The following ZNF516 variants were observed in gnomAD, a reference collection of about 807,000 sequenced individuals.
ZNF516 encodes the protein zinc finger protein 516.
In ZNF516, 19 loss-of-function variants were observed where a neutral mutation model predicts 79.7. That is an observed-to-expected ratio of 0.24 (90% CI 0.17 to 0.35). The LOEUF is 0.35. Ranked by LOEUF, ZNF516 falls within the 10% of genes least tolerant of loss-of-function variation. The probability of loss-of-function intolerance (pLI) is 1.00; values close to 1 mark genes in which losing one functional copy is unlikely to be tolerated. For missense variants in ZNF516, 1,678 were observed against 1,679.5 expected, an observed-to-expected ratio of 1.00 and a Z score of 0.02; for synonymous variants, 877 against 739.5, an observed-to-expected ratio of 1.19 and a Z score of -3.02.
chr18:76,415,538 C>T (rs1330734800), intron 3 of ZNF516, among the ~76,000 whole-genome samples: 3 of 152,188 alleles, frequency 2.0e-5, no homozygotes, highest in African/African-American at 4.8e-5. Context: ...CAGCGGTGGC[C>T]ATGCAGAACC....
chr18:76,383,756 C>CT (rs2074933286), intron 3 of ZNF516, among the ~76,000 whole-genome samples: 1 of 152,226 alleles, frequency 6.6e-6, no homozygotes, highest in Non-Finnish European at 1.5e-5. Context: ...CCCGATCAGG[C>CT]CTCAGGCCTT....
At position 76,370,241 on chromosome 18, in the gene ZNF516, T is replaced by C. The variant is rs1022427690; in HGVS notation, c.3432+287A>G. Among the ~76,000 whole-genome samples, 4 of 152,224 alleles carry C rather than the reference T, an allele frequency of 2.6e-5. No individual in the cohort carries two copies. The East Asian group carries it at 7.7e-4, about 29-fold the overall frequency. ...AACCATCTTGGAAAAACTGAGTTTC[T>C]AGTGTTTGCAGTCACCGCCAGTCTA... is the stretch of plus-strand genomic sequence containing the variant. On this transcript the variant is annotated intron_variant, in intron 6 of 6. Transcript: ENST00000443185.
At chr18:76,480,987 T>C (rs1278093266) in intron 1 of ZNF516, among the ~76,000 whole-genome samples, 4 of 152,198 alleles carry the variant, frequency 2.6e-5, no homozygotes, top group Non-Finnish European at 4.4e-5. Context: ...GTCTATCAAA[T>C]ACTATCTGGT....
At chr18:76,371,355 T>G in intron 5 of ZNF516, 112 bp downstream of exon 5, 1 of 1,115,742 alleles carries the variant, frequency 9.0e-7, no homozygotes, top group African/African-American at 1.5e-5. Flanking sequence ...CCCCGCCGCC[T>G]GGTAGGGGCT....
At position 76,441,315 on chromosome 18, in the gene ZNF516, G is replaced by A; in HGVS notation, c.1740C>T (p.Ser580=). The change falls in exon 3 of 7, where the codon TCC becomes TCT. Residue 580 remains serine, a synonymous_variant. Coordinates refer to ENST00000443185, the MANE Select transcript of ZNF516 (RefSeq NM_014643.4). The part of the protein sequence containing the change: ...SPGSACAAAD[S]PGSGLADEAA... ...CCTCGTCGGCCAGGCCAGAGCCCGG[G>A]GAGTCAGCAGCGGCACAGGCGGAGC... The A allele has an allele frequency of 6.2e-7, 1 of 1,611,794 alleles. No homozygotes were observed. The highest frequency in any genetic ancestry group is 8.5e-7 in the Non-Finnish European group (1 of 1,179,574).
chr18:76,381,390 C>T (rs2074890398), intron 3 of ZNF516, among the ~76,000 whole-genome samples: 1 of 152,196 alleles, frequency 6.6e-6, no homozygotes, highest in Admixed American at 6.5e-5. Context: ...CTTCACCACC[C>T]AGCCGCCATC....
intron 3 of ZNF516, among the ~76,000 whole-genome samples, chr18:76,406,291 C>G (rs578118614): frequency 1.3e-5 from 2 of 152,292 alleles, no homozygotes; most frequent in African/African-American, 4.8e-5. Context: ...CAAGGCCGGG[C>G]GCGGTGGCTC....
intron 2 of ZNF516, among the ~76,000 whole-genome samples, chr18:76,458,618 C>T (rs1202595214): frequency 7.5e-6 from 1 of 132,910 alleles, no homozygotes; most frequent in East Asian, 1.9e-4. Context: ...AACGCCAGGC[C>T]TCACCGTCGT....
chr18:76,461,749 T>C (rs1172357463), intron 2 of ZNF516, among the ~76,000 whole-genome samples: 1 of 152,212 alleles, frequency 6.6e-6, no homozygotes, highest in Non-Finnish European at 1.5e-5. Context: ...ACCGAAAATA[T>C]GCAGGGACCG....
chr18:76,418,883 T>A (rs2075470650), intron 3 of ZNF516, among the ~76,000 whole-genome samples: 1 of 152,252 alleles, frequency 6.6e-6, no homozygotes, highest in Non-Finnish European at 1.5e-5. Context: ...AGCAAAGGAA[T>A]GGAAGCCTGA....
chr18:76,494,172 C>G (rs1915381188), intron 1 of ZNF516, among the ~76,000 whole-genome samples: 1 of 152,210 alleles, frequency 6.6e-6, no homozygotes, highest in Admixed American at 6.5e-5. Context: ...ATACCCCACT[C>G]GGCTGCCATT....
At chr18:76,420,939 C>T (rs2075499004) in intron 3 of ZNF516, among the ~76,000 whole-genome samples, 1 of 152,114 alleles carries the variant, frequency 6.6e-6, no homozygotes, top group South Asian at 2.1e-4. Context: ...AATGGATTTG[C>T]TTTATAAATC....
chr18:76,473,770 C>CA (rs1269544684), intron 1 of ZNF516, among the ~76,000 whole-genome samples: 2 of 150,554 alleles, frequency 1.3e-5, no homozygotes, highest in Middle Eastern at 3.4e-3. Flanking sequence ...CACTGCACTC[C>CA]AGCCTGAGCA....
At position 76,447,764 on chromosome 18, in the gene ZNF516, T is replaced by C. The variant is rs563004135; in HGVS notation, c.-157-4553A>G. ...TTCTGGTAAGATGTATTACAAACTT[T>C]TTCCAAGGCTGGAACTGGGAACATG... is the stretch of plus-strand genomic sequence containing the variant. On this transcript the variant is annotated intron_variant, in intron 2 of 6. Transcript: ENST00000443185. Among the ~76,000 whole-genome samples the C allele has an allele frequency of 7.9e-5, 12 of 152,336 alleles. No individual in the cohort carries two copies. The South Asian group carries it at 2.5e-3, about 32-fold the overall frequency.
chr18:76,400,892 A>C (rs370944899), intron 3 of ZNF516, among the ~76,000 whole-genome samples: 1 of 152,220 alleles, frequency 6.6e-6, no homozygotes, highest in African/African-American at 2.4e-5. Context: ...GAAATATCTC[A>C]GGCAGGCTTC....
intron 6 of ZNF516, among the ~76,000 whole-genome samples, chr18:76,367,590 G>A (rs747864612): frequency 6.6e-5 from 10 of 152,206 alleles, no homozygotes; most frequent in Admixed American, 2.6e-4. Context: ...GGCCTTCCAC[G>A]TGCTGAGCTC....
At chr18:76,483,100 G>C (rs1368811587) in intron 1 of ZNF516, among the ~76,000 whole-genome samples, 1 of 152,126 alleles carries the variant, frequency 6.6e-6, no homozygotes, top group African/African-American at 2.4e-5. Flanking sequence ...GAATGCAAAA[G>C]GCCACTGTTT....
intron 3 of ZNF516, among the ~76,000 whole-genome samples, chr18:76,436,839 G>A (rs892404876): frequency 7.2e-5 from 11 of 151,942 alleles, no homozygotes; most frequent in Non-Finnish European, 1.2e-4. Context: ...AGGCTGAGGC[G>A]GGTGGATTGC....
intron 3 of ZNF516, among the ~76,000 whole-genome samples, chr18:76,408,220 A>T (rs1460505693): frequency 6.6e-6 from 1 of 152,144 alleles, no homozygotes; most frequent in Non-Finnish European, 1.5e-5. Flanking sequence ...AACGTTTTTA[A>T]TCGCACGTCA....
Sources: gnomAD v4.1 joint callset for allele counts (sites outside exome capture counted in the v4.1 genomes callset) on GRCh38, gnomAD v4.1.1 for gene constraint, MANE v1.5 for transcripts, NCBI Gene and HGNC (gene_info 2026-07-23, HGNC 2026-07-21) for gene names.